The following TESC variants were observed in gnomAD, a reference collection of about 807,000 sequenced individuals.
The protein encoded by TESC is tescalcin.
A neutral mutation model predicts 31.0 loss-of-function variants in TESC; 19 were observed. That is an observed-to-expected ratio of 0.61 (90% CI 0.43 to 0.90). The LOEUF (loss-of-function observed/expected upper bound fraction) is 0.90. Ranked by LOEUF, TESC falls within the 40% of genes least tolerant of loss-of-function variation. The pLI is 0.00. For missense variants in TESC, 248 were observed against 303.8 expected (o/e 0.82, Z 1.36); for synonymous variants, 109 against 114.8 (o/e 0.95, Z 0.32).
chr12:117,082,702 A>C (rs968509404), intron 1 of TESC, among the ~76,000 whole-genome samples: 10 of 152,200 alleles, frequency 6.6e-5, no homozygotes, highest in African/African-American at 2.4e-4. Flanking sequence ...GTGAAAGTTC[A>C]TATTGATATA....
intron 4 of TESC, among the ~76,000 whole-genome samples, chr12:117,048,028 AC>A (rs199693710): frequency 0.053 from 8,011 of 152,216 alleles, 275 homozygotes; most frequent in Non-Finnish European, 0.078. Flanking sequence ...ACAGGAGTGC[AC>A]CACTGAGCCC....
rs1448650121 is a variant in TESC at position 117,075,311 on chromosome 12, G to A, written c.88C>T (p.Arg30Trp). 4.3e-6 allele frequency: 7 copies of A among 1,611,546 alleles called. No individual in the cohort carries two copies. Among genetic ancestry groups the A allele is most frequent in the Admixed American group, 1.7e-5 (1 of 59,988 alleles). The change falls in exon 2 of 8, where the codon CGG becomes TGG. Residue 30 changes from arginine (R) to tryptophan (W), a missense_variant. By Grantham distance (101) the Arg-to-Trp change is moderately radical (BLOSUM62 -3). Transcript: ENST00000335209. The stretch of plus-strand genomic sequence containing the variant: ...TCTCCACTCAGCTGCTTAAATCTCC[G>A]ATGGAGCTGCTCGATCTGATCCGAT... ...FSSDQIEQLH[R>W]RFKQLSGDQP...
intron 7 of TESC, among the ~76,000 whole-genome samples, chr12:117,039,859 A>C (rs1592986816): frequency 6.6e-6 from 1 of 152,356 alleles, no homozygotes; most frequent in South Asian, 2.1e-4. Flanking sequence ...GCCTGGCCAG[A>C]ACCTTGGAGT....
chr12:117,048,944 C>T (rs1374349373), intron 4 of TESC, 75 bp downstream of exon 4: 21 of 1,603,150 alleles, frequency 1.3e-5, no homozygotes, highest in Middle Eastern at 3.3e-4. Flanking sequence ...GCTGCAGAGG[C>T]GCCTTGCGTT....
At chr12:117,045,568 A>G (rs1954545580) in intron 6 of TESC, among the ~76,000 whole-genome samples, 1 of 152,160 alleles carries the variant, frequency 6.6e-6, no homozygotes, top group East Asian at 1.9e-4. Context: ...CCTGGGCTCC[A>G]GAGGCAAACA....
chr12:117,062,998 G>A (rs568169666), intron 2 of TESC, among the ~76,000 whole-genome samples: 10 of 152,300 alleles, frequency 6.6e-5, no homozygotes, highest in African/African-American at 2.4e-4. Context: ...CACCTTCCAG[G>A]CCTCCTGCGG....
chr12:117,051,985 G>A (rs1344674757), intron 3 of TESC, among the ~76,000 whole-genome samples: 1 of 152,072 alleles, frequency 6.6e-6, no homozygotes, highest in African/African-American at 2.4e-5. Context: ...ATATTGCCCA[G>A]ACTGGTCTTG....
rs202166055 is a variant in TESC, at chr12:117,094,081, A to G, written c.58+5144T>C. ...CACCAGACACCACTTGGCTGCTGTC[A>G]CCACGGGTGCGTGGGGAAGGTGAGC... On this transcript the variant is annotated intron_variant, in intron 1 of 7. Coordinates refer to ENST00000335209, the MANE Select transcript of TESC (RefSeq NM_017899.4). 3.9e-4 allele frequency among the ~76,000 whole-genome samples: 60 copies of G among 152,198 alleles called. No individual in the cohort carries two copies. In the East Asian group the frequency reaches 0.011, roughly 28 times the overall value.
chr12:117,073,691 T>C (rs1955009467), intron 2 of TESC, among the ~76,000 whole-genome samples: 1 of 152,228 alleles, frequency 6.6e-6, no homozygotes, highest in African/African-American at 2.4e-5. Context: ...TTTAGGAAAC[T>C]ACATCTGTTA....
chr12:117,066,504 T>C (rs56228868), intron 2 of TESC, among the ~76,000 whole-genome samples: 21,735 of 151,616 alleles, frequency 0.14, 1,720 homozygotes, highest in Middle Eastern at 0.21. Flanking sequence ...CCCGAGTAAC[T>C]GGAACCACAG....
At chr12:117,056,722 G>T (rs1415025382) in intron 3 of TESC, 84 bp downstream of exon 3, 2 of 1,448,924 alleles carry the variant, frequency 1.4e-6, no homozygotes, top group Admixed American at 3.4e-5. Context: ...CAGCTCAAAG[G>T]GTCATTCTAG....
At chr12:117,067,329 C>CTGAGGCAGGAGTATTGCT (rs1954901247) in intron 2 of TESC, among the ~76,000 whole-genome samples, 2 of 152,286 alleles carry the variant, frequency 1.3e-5, no homozygotes, top group Admixed American at 6.5e-5. Flanking sequence ...CTTTGGAAGA[C>CTGAGGCAGGAGTATTGCT]TGAGGCAGGA....
chr12:117,073,378 G>C (rs979054132), intron 2 of TESC, among the ~76,000 whole-genome samples: 1 of 152,194 alleles, frequency 6.6e-6, no homozygotes, highest in Admixed American at 6.5e-5. Flanking sequence ...AAGATGTCTA[G>C]AATTAAAGGT....
At chr12:117,077,615 C>T (rs997557078) in intron 1 of TESC, among the ~76,000 whole-genome samples, 1 of 152,174 alleles carries the variant, frequency 6.6e-6, no homozygotes, top group African/African-American at 2.4e-5. Context: ...TAGATAATCA[C>T]AGACAAAAGC....
At chr12:117,042,358 C>T (rs1403427289) in intron 6 of TESC, among the ~76,000 whole-genome samples, 1 of 152,176 alleles carries the variant, frequency 6.6e-6, no homozygotes, top group African/African-American at 2.4e-5. Context: ...CCACTCAGCC[C>T]ACCTCACCAC....
intron 7 of TESC, among the ~76,000 whole-genome samples, chr12:117,041,393 C>T (rs1004576144): frequency 2.7e-5 from 4 of 150,062 alleles, no homozygotes; most frequent in African/African-American, 5.0e-5. Context: ...AGTACAGTGG[C>T]GCAATCTCAG....
chr12:117,079,265 T>A (rs1483119758), intron 1 of TESC, among the ~76,000 whole-genome samples: 1 of 152,148 alleles, frequency 6.6e-6, no homozygotes, highest in African/African-American at 2.4e-5. Flanking sequence ...ACAACCACTA[T>A]TAAAGATGAG....
chr12:117,091,368 G>A (rs886883331), intron 1 of TESC, among the ~76,000 whole-genome samples: 1 of 152,210 alleles, frequency 6.6e-6, no homozygotes, highest in African/African-American at 2.4e-5. Context: ...AAAGGGAAGA[G>A]CATCTTATCA....
At chr12:117,095,783 G>A (rs1220971933) in intron 1 of TESC, among the ~76,000 whole-genome samples, 1 of 152,154 alleles carries the variant, frequency 6.6e-6, no homozygotes, top group Non-Finnish European at 1.5e-5. Flanking sequence ...GGAAGGCTGA[G>A]GTGGGAGGAT....
Sources: gnomAD v4.1 joint callset for allele counts (sites outside exome capture counted in the v4.1 genomes callset) on GRCh38, gnomAD v4.1.1 for gene constraint, MANE v1.5 for transcripts, NCBI Gene and HGNC (gene_info 2026-07-23, HGNC 2026-07-21) for gene names.